Variants in FHL5 observed in about 807,000 individuals in gnomAD.
FHL5 encodes four and a half LIM domains 5.
A neutral mutation model predicts 32.0 loss-of-function variants in FHL5; 33 were observed. The ratio of observed to expected loss-of-function variants is 1.03; its 90% CI spans 0.78 to 1.38. The LOEUF (loss-of-function observed/expected upper bound fraction) is 1.38. Ranked by LOEUF, FHL5 falls within the 40% of genes most tolerant of loss-of-function variation. FHL5 has a pLI of 0.00. For synonymous variants in FHL5, 114 were observed against 113.6 expected (o/e 1.00, Z -0.02); for missense variants, 336 against 343.9 (o/e 0.98, Z 0.18).
intron 1 of FHL5, among the ~76,000 whole-genome samples, chr6:96,585,983 A>G (rs1423027489): frequency 6.6e-6 from 1 of 152,204 alleles, no homozygotes; most frequent in Non-Finnish European, 1.5e-5. Context: ...GTTCCATGGT[A>G]GCTGAGTATT....
At chr6:96,610,886 C>T (rs1261299112) in intron 5 of FHL5, 128 bp downstream of exon 5, 4 of 663,064 alleles carry the variant, frequency 6.0e-6, no homozygotes, top group Non-Finnish European at 7.8e-6. Context: ...TTGAGATAAA[C>T]ACAAGTGGGT....
intron 1 of FHL5, among the ~76,000 whole-genome samples, chr6:96,592,213 T>A (rs1187332691): frequency 6.6e-6 from 1 of 152,048 alleles, no homozygotes; most frequent in East Asian, 1.9e-4. Flanking sequence ...ATCCCTACAG[T>A]CTTGACCATA....
chr6:96,607,160 C>G (rs1771301060), intron 4 of FHL5, among the ~76,000 whole-genome samples: 1 of 152,058 alleles, frequency 6.6e-6, no homozygotes, highest in Non-Finnish European at 1.5e-5. Flanking sequence ...TGTCTGCATT[C>G]CATAAAATAT....
chr6:96,578,358 G>C (rs935640399), intron 1 of FHL5, among the ~76,000 whole-genome samples: 2 of 152,096 alleles, frequency 1.3e-5, no homozygotes, highest in Non-Finnish European at 2.9e-5. Context: ...AGAAAACAAG[G>C]TCATAAAGAG....
intron 1 of FHL5, among the ~76,000 whole-genome samples, chr6:96,578,481 T>A (rs1049035524): frequency 6.6e-6 from 1 of 152,172 alleles, no homozygotes; most frequent in Non-Finnish European, 1.5e-5. Flanking sequence ...TTACTTCTGT[T>A]AACAACGTGG....
intron 1 of FHL5, among the ~76,000 whole-genome samples, chr6:96,578,914 A>G (rs984329554): frequency 1.3e-5 from 2 of 152,156 alleles, no homozygotes; most frequent in African/African-American, 4.8e-5. Context: ...TCTACTAAGT[A>G]TTTGCGAAAT....
chr6:96,606,185 A>C, intron 4 of FHL5, 114 bp downstream of exon 4: 1 of 831,044 alleles, frequency 1.2e-6, no homozygotes, highest in African/African-American at 1.7e-5. Flanking sequence ...CAACACACCC[A>C]TGGTAGTTTG....
intron 4 of FHL5, among the ~76,000 whole-genome samples, chr6:96,607,931 G>A (rs1254035349): frequency 6.6e-6 from 1 of 152,130 alleles, no homozygotes; most frequent in African/African-American, 2.4e-5. Context: ...ATTCAAGGCT[G>A]CAGTGAGCTA....
intron 1 of FHL5, among the ~76,000 whole-genome samples, chr6:96,593,052 T>G (rs937118282): frequency 1.3e-5 from 2 of 152,116 alleles, no homozygotes; most frequent in Admixed American, 1.3e-4. Flanking sequence ...TTTTTATACC[T>G]TTTATCATCA....
intron 1 of FHL5, among the ~76,000 whole-genome samples, chr6:96,584,245 A>C (rs887967026): frequency 9.9e-5 from 15 of 152,180 alleles, no homozygotes; most frequent in Admixed American, 5.2e-4. Flanking sequence ...TGCTACAGAG[A>C]GAAGGATTTT....
chr6:96,600,159 A>G (rs1013414429), intron 1 of FHL5, among the ~76,000 whole-genome samples: 1 of 152,158 alleles, frequency 6.6e-6, no homozygotes, highest in Admixed American at 6.5e-5. Context: ...AAAAATTCAT[A>G]CTCTTACCTT....
intron 1 of FHL5, among the ~76,000 whole-genome samples, chr6:96,578,693 T>C (rs1275421499): frequency 6.6e-6 from 1 of 151,870 alleles, no homozygotes; most frequent in Non-Finnish European, 1.5e-5. Flanking sequence ...AATACAAAAA[T>C]AAGCCAGGTA....
intron 1 of FHL5, among the ~76,000 whole-genome samples, chr6:96,601,725 T>C (rs1267801188): frequency 6.6e-6 from 1 of 152,242 alleles, no homozygotes; most frequent in Admixed American, 6.5e-5. Context: ...TTTTCCATAT[T>C]AAGTGAAGAG....
chr6:96,606,617 A>G (rs7741683), intron 4 of FHL5, among the ~76,000 whole-genome samples: 59,803 of 151,906 alleles, frequency 0.39, 12,489 homozygotes, highest in African/African-American at 0.55. Context: ...CTTCCAAAGT[A>G]CTGGGATTAC....
intron 2 of FHL5, 80 bp downstream of exon 2, chr6:96,603,852 T>C: frequency 1.8e-6 from 2 of 1,142,024 alleles, no homozygotes; most frequent in South Asian, 1.4e-5. Flanking sequence ...TCATTTAGTG[T>C]TGACTTTCAA....
chr6:96,570,592 C>T (rs1432236124), intron 1 of FHL5, among the ~76,000 whole-genome samples: 1 of 152,058 alleles, frequency 6.6e-6, no homozygotes, highest in Non-Finnish European at 1.5e-5. Context: ...ATACTTTTTC[C>T]TTATCTTCTC....
chr6:96,598,505 A>T (rs529084452), intron 1 of FHL5, among the ~76,000 whole-genome samples: 58 of 152,226 alleles, frequency 3.8e-4, no homozygotes, highest in Middle Eastern at 6.8e-3. Context: ...TTGTTCCTGA[A>T]TTTTTCCTAG....
At chr6:96,613,166 T>C (rs1771447921) in intron 5 of FHL5, among the ~76,000 whole-genome samples, 1 of 152,218 alleles carries the variant, frequency 6.6e-6, no homozygotes, top group African/African-American at 2.4e-5. Flanking sequence ...ATTGCCTTGA[T>C]TTAGCCATTC....
chr6:96,609,953 G>A (rs537517895), intron 4 of FHL5, among the ~76,000 whole-genome samples: 8 of 152,288 alleles, frequency 5.3e-5, no homozygotes, highest in African/African-American at 1.9e-4. Flanking sequence ...TAGCACGGTG[G>A]TAAGGACTGA....
Sources: allele counts gnomAD v4.1 joint callset (sites outside exome capture counted in the v4.1 genomes callset), GRCh38; gene constraint gnomAD v4.1.1; transcripts MANE v1.5; gene names NCBI Gene and HGNC (gene_info 2026-07-23, HGNC 2026-07-21).